Variants in CR1 observed in about 807,000 individuals in gnomAD.
CR1 encodes the protein complement C3b/C4b receptor 1 (Knops blood group).
CR1 carries 116 observed loss-of-function variants against 187.3 expected under a neutral mutation model. The ratio of observed to expected loss-of-function variants is 0.62; its 90% CI spans 0.53 to 0.72. The LOEUF (loss-of-function observed/expected upper bound fraction) is 0.72, where lower values mean the gene tolerates loss of function less well. Among genes scored for constraint, CR1 ranks in the 30% least tolerant of loss-of-function variants. The pLI, the probability that CR1 is intolerant of heterozygous loss-of-function variation, is 0.00. For synonymous variants in CR1, 576 were observed against 747.1 expected (o/e 0.77, Z 3.73); for missense variants, 1,731 against 2,110.7 (o/e 0.82, Z 3.52).
Position 207,612,018 on chromosome 1 carries a change from G to A in CR1, c.6552G>A (p.Lys2184=), listed in dbSNP as rs150619703. 184 of 1,614,012 alleles carry A rather than the reference G, an allele frequency of 1.1e-4. No homozygotes were observed. The African/African-American group carries it at 2.2e-3, about 20-fold the overall frequency. The stretch of plus-strand genomic sequence containing the variant: ...CACTTAATCTCCAGCTTGGGGCAAA[G>A]GTGTCCTTTGTTTGCGATGAAGGGT... The part of the protein sequence containing the change: ...LLPLNLQLGA[K]VSFVCDEGFR... The change falls in exon 39 of 47, where the codon AAG becomes AAA. Residue 2184 remains lysine (K), a synonymous_variant. Transcript: ENST00000367049.
chr1:207,602,958 A>C (rs1661647084), intron 35 of CR1, among the ~76,000 whole-genome samples: 1 of 152,164 alleles, frequency 6.6e-6, no homozygotes, highest in Non-Finnish European at 1.5e-5. Flanking sequence ...ACTTATAAGC[A>C]GAAGATTTAA....
In CR1 at chr1:207,522,562, A is replaced by G. The variant is rs191587591; in HGVS notation, c.488-1049A>G. The stretch of plus-strand genomic sequence containing the variant: ...GCCAAGCCCAAATACCCAGCTCTCA[A>G]CTGGATTCTCATCTTCTCCTAGATC... On this transcript the variant is annotated intron_variant, in intron 4 of 46. Transcript: ENST00000367049. Among the ~76,000 whole-genome samples, 542 of 152,182 alleles carry G rather than the reference A, an allele frequency of 3.6e-3. 6 individuals carry two copies. Among genetic ancestry groups the G allele is most frequent in the African/African-American group, 0.013 (527 of 41,516 alleles).
chr1:207,616,571 C>G lies in CR1; in HGVS notation c.6662-4C>G. The G allele has an allele frequency of 6.2e-7, 1 of 1,612,840 alleles. No individual in the cohort carries two copies. The highest frequency in any genetic ancestry group is 8.5e-7 in the Non-Finnish European group (1 of 1,179,200). On this transcript the variant is annotated splice_region_variant and splice_polypyrimidine_tract_variant and intron_variant, in intron 40 of 46. Coordinates refer to ENST00000367049, the MANE Select transcript of CR1 (RefSeq NM_000651.6). ...AGAACTTAAAGCTCTTGTTTTCTTTCTAGAAATCTTTTGTCCAAATCCTCC... is the reference window on the plus strand; with the variant it reads ...AGAACTTAAAGCTCTTGTTTTCTTTGTAGAAATCTTTTGTCCAAATCCTCC...
intron 35 of CR1, among the ~76,000 whole-genome samples, chr1:207,596,739 G>A (rs561015013): frequency 1.3e-5 from 2 of 149,034 alleles, no homozygotes; most frequent in Non-Finnish European, 3.0e-5. Context: ...ATAGGAAAAG[G>A]CTATTGCAAG....
chr1:207,573,822 C>T (rs1383335393), intron 27 of CR1, among the ~76,000 whole-genome samples: 1 of 152,000 alleles, frequency 6.6e-6, no homozygotes, highest in African/African-American at 2.4e-5. Context: ...TCCCTGAATG[C>T]AGTGAGAAAA....
Position 207,623,911 on chromosome 1 carries a change from C to CTTTT in CR1, c.7352+872_7352+875dup, listed in dbSNP as rs71154830. On this transcript the variant is annotated intron_variant, in intron 45 of 46. Transcript: ENST00000367049. Reference sequence around the variant, plus strand: ...ACAAATATTTTGTAAACACCATTAACTTTTTTTTTTTTTTTTTTTTTTTTT... The same window carrying CTTTT: ...ACAAATATTTTGTAAACACCATTAACTTTTTTTTTTTTTTTTTTTTTTTTTTTTT... Among the ~76,000 whole-genome samples, 63 of 52,472 alleles carry CTTTT rather than the reference C, an allele frequency of 1.2e-3. 6 individuals carry two copies. In the East Asian group the frequency reaches 0.013, roughly 11 times the overall value. 34.4% of individuals were successfully genotyped at this position (52,472 alleles called of 152,430 possible). A position where few individuals can be genotyped will look rare whatever the true frequency, so the allele number is the denominator to read the frequency against.
chr1:207,554,050 AG>A (rs1339782834), intron 19 of CR1, among the ~76,000 whole-genome samples: 1 of 107,584 alleles, frequency 9.3e-6, no homozygotes, highest in East Asian at 3.2e-4. Flanking sequence ...TAAGGAAAGA[AG>A]CCCTCTCCAT....
intron 5 of CR1, among the ~76,000 whole-genome samples, chr1:207,526,074 G>A (rs1465030224): frequency 6.6e-6 from 1 of 152,046 alleles, no homozygotes; most frequent in Non-Finnish European, 1.5e-5. Flanking sequence ...CTTACAATAT[G>A]TTGCGTAAAT....
chr1:207,601,127 TA>T (rs1039377323), intron 35 of CR1, among the ~76,000 whole-genome samples: 5 of 152,152 alleles, frequency 3.3e-5, no homozygotes, highest in African/African-American at 1.2e-4. Context: ...TAAAGAAATC[TA>T]AAAGCAGATT....
chr1:207,601,464 TTC>T (rs774778484), intron 35 of CR1, among the ~76,000 whole-genome samples: 2 of 152,164 alleles, frequency 1.3e-5, no homozygotes, highest in Non-Finnish European at 2.9e-5. Context: ...GATATGGTAA[TTC>T]TGTTTAACTT....
In CR1 at chr1:207,505,830, C is replaced by T. The variant is rs1006990979; in HGVS notation, c.122-74C>T. On this transcript the variant is annotated intron_variant, in intron 1 of 46. Coordinates refer to ENST00000367049, the MANE Select transcript of CR1 (RefSeq NM_000651.6). Reference sequence around the variant, plus strand: ...CAGCCTGGGTGATGGAGCCAGTCTCCGTCTCAAAAAAGAAAAAAAAAAGTA... The same window carrying T: ...CAGCCTGGGTGATGGAGCCAGTCTCTGTCTCAAAAAAGAAAAAAAAAAGTA... The T allele has an allele frequency of 1.2e-4, 188 of 1,507,292 alleles. 1 individual carries two copies. In the Middle Eastern group the frequency reaches 5.7e-3, roughly 45 times the overall value. 93.4% of individuals were successfully genotyped at this position (1,507,292 alleles called of 1,614,324 possible). A position where few individuals can be genotyped will look rare whatever the true frequency, so the allele number is the denominator to read the frequency against.
In CR1 at chr1:207,503,049, G is replaced by T. The variant is rs560205883; in HGVS notation, c.122-2855G>T. On this transcript the variant is annotated intron_variant, in intron 1 of 46. Transcript: ENST00000367049. ...GCAAAGCAAGCACTCCCACTTTAGC[G>T]GAATAATCGAATTTAACTCTTAGAA... 2.6e-5 allele frequency among the ~76,000 whole-genome samples: 4 copies of T among 152,258 alleles called. No individual in the cohort carries two copies. In the East Asian group the frequency reaches 7.7e-4, roughly 29 times the overall value.
At chr1:207,517,562 G>A (rs1018024502) in intron 4 of CR1, among the ~76,000 whole-genome samples, 1 of 152,086 alleles carries the variant, frequency 6.6e-6, no homozygotes, top group Non-Finnish European at 1.5e-5. Context: ...TTTTTCTAGT[G>A]TCTGGAACAA....
chr1:207,581,291 C>CATATGGACACGTATATGTATAA (rs1660939461), intron 31 of CR1, among the ~76,000 whole-genome samples: 1 of 150,844 alleles, frequency 6.6e-6, no homozygotes, highest in African/African-American at 2.4e-5. Context: ...TATATGTATA[C>CATATGGACACGTATATGTATAA]GTATACATAT....
At chr1:207,620,391 G>A (rs968351585) in intron 43 of CR1, among the ~76,000 whole-genome samples, 1 of 152,232 alleles carries the variant, frequency 6.6e-6, no homozygotes, top group African/African-American at 2.4e-5. Flanking sequence ...CCAAGCTGCA[G>A]AGAGCAGCCG....
chr1:207,566,674 A>G (rs2102326058), intron 24 of CR1, among the ~76,000 whole-genome samples: 1 of 150,378 alleles, frequency 6.6e-6, no homozygotes, highest in South Asian at 2.1e-4. Flanking sequence ...ATTTATGCTG[A>G]GAGATTCATA....
At chr1:207,618,350 AT>A in intron 42 of CR1, 103 bp downstream of exon 42, 2 of 1,088,714 alleles carry the variant, frequency 1.8e-6, no homozygotes, top group African/African-American at 1.6e-5. Context: ...AAGGGATAAT[AT>A]TTTTTTCTTC....
intron 1 of CR1, among the ~76,000 whole-genome samples, chr1:207,503,045 T>C (rs901087113): frequency 2.0e-5 from 3 of 152,208 alleles, no homozygotes; most frequent in South Asian, 4.1e-4. Flanking sequence ...ACTCCCACTT[T>C]AGCGGAATAA....
intron 3 of CR1, among the ~76,000 whole-genome samples, chr1:207,511,166 A>T (rs542646238): frequency 1.3e-5 from 2 of 152,270 alleles, no homozygotes; most frequent in African/African-American, 2.4e-5. Flanking sequence ...AAGCCCATCC[A>T]TGCATCCATG....
Sources: gnomAD v4.1 joint callset for allele counts (sites outside exome capture counted in the v4.1 genomes callset) on GRCh38, gnomAD v4.1.1 for gene constraint, MANE v1.5 for transcripts, NCBI Gene and HGNC (gene_info 2026-07-23, HGNC 2026-07-21) for gene names.